Variants in C8B observed in about 807,000 individuals in gnomAD.
The protein encoded by C8B is complement component C8 beta chain.
In C8B, 67 loss-of-function variants were observed where a neutral mutation model predicts 64.6. That is an observed-to-expected ratio of 1.04 (90% CI 0.85 to 1.27). C8B has a LOEUF of 1.27. Ranked by LOEUF, C8B falls within the 50% of genes most tolerant of loss-of-function variation. The pLI, the probability that C8B is intolerant of heterozygous loss-of-function variation, is 0.00. For synonymous variants in C8B, 284 were observed against 257.7 expected (o/e 1.10, Z -0.98); for missense variants, 790 against 725.2 (o/e 1.09, Z -1.03).
intron 10 of C8B, among the ~76,000 whole-genome samples, chr1:56,932,426 G>T (rs1297267811): frequency 6.6e-6 from 1 of 152,090 alleles, no homozygotes; most frequent in Non-Finnish European, 1.5e-5. Context: ...CCAGTCTCTG[G>T]CTCCATATTC....
chr1:56,943,971 T>C (rs907176370), intron 7 of C8B, 147 bp from the exon 8 acceptor site: 1 of 878,230 alleles, frequency 1.1e-6, no homozygotes. Context: ...TAACAAGAAA[T>C]GTAGGCAGCA....
chr1:56,956,862 A>C lies in C8B; in HGVS notation c.298T>G (p.Cys100Gly), dbSNP rs1334967122. 6.2e-7 allele frequency: 1 copy of C among 1,614,010 alleles called. No homozygotes were observed. Among genetic ancestry groups the C allele is most frequent in the African/African-American group, 1.3e-5 (1 of 74,908 alleles). Residue 100 changes from cysteine (C) to glycine (G), a missense_variant, in exon 3 of 12, where the codon TGC becomes GGC. Transcript: ENST00000371237. ...LQPSQFHGEP[C>G]NFSDKEVEDC... ...TCGACTTCCTTGTCAGAGAAGTTGC[A>C]CGGTTCCCCATGGAACTGAGAGGGC... is the stretch of plus-strand genomic sequence containing the variant.
At chr1:56,953,453 G>T (rs983042827) in intron 4 of C8B, among the ~76,000 whole-genome samples, 1 of 152,182 alleles carries the variant, frequency 6.6e-6, no homozygotes, top group Non-Finnish European at 1.5e-5. Flanking sequence ...TAGGAGGTTA[G>T]TATTACTATT....
chr1:56,955,569 G>T (rs1208912557), intron 3 of C8B, among the ~76,000 whole-genome samples: 1 of 152,126 alleles, frequency 6.6e-6, no homozygotes, highest in African/African-American at 2.4e-5. Context: ...CAATGTTCTT[G>T]GAGTGTTAAA....
At chr1:56,959,580 A>G (rs764659046) in intron 2 of C8B, 17 of 1,535,448 alleles carry the variant, frequency 1.1e-5, no homozygotes, top group Non-Finnish European at 1.5e-5. Context: ...CCAGAGTCAT[A>G]CAAGTGTCCA....
At chr1:56,948,627 C>A (rs1485574971) in intron 6 of C8B, among the ~76,000 whole-genome samples, 2 of 151,964 alleles carry the variant, frequency 1.3e-5, no homozygotes, top group East Asian at 1.9e-4. Flanking sequence ...AGGGCAGGCA[C>A]CCAGGGGAGA....
chr1:56,952,008 C>G, intron 5 of C8B, 40 bp downstream of exon 5: 1 of 1,612,064 alleles, frequency 6.2e-7, no homozygotes, highest in Non-Finnish European at 8.5e-7. Context: ...ACTGGGTGCT[C>G]AGCTGGGGCT....
At chr1:56,957,087 A>G (rs1645115071) in intron 2 of C8B, among the ~76,000 whole-genome samples, 177 bp from the exon 3 acceptor site, 1 of 152,084 alleles carries the variant, frequency 6.6e-6, no homozygotes, top group Non-Finnish European at 1.5e-5. Context: ...TTAAGGAGCT[A>G]TGTTGTGATT....
chr1:56,951,439 C>T (rs1420452471), intron 5 of C8B, among the ~76,000 whole-genome samples: 1 of 152,088 alleles, frequency 6.6e-6, no homozygotes, highest in Non-Finnish European at 1.5e-5. Context: ...GTCCTATGGG[C>T]TATTCTATAC....
Position 56,949,772 on chromosome 1 carries a change from G to A in C8B, c.667-20C>T, listed in dbSNP as rs1437395301. 2 of 1,568,096 alleles carry A rather than the reference G, an allele frequency of 1.3e-6. No individual in the cohort carries two copies. Among genetic ancestry groups the A allele is most frequent in the Non-Finnish European group, 1.7e-6 (2 of 1,143,880 alleles). On this transcript the variant is annotated intron_variant, in intron 5 of 11. Transcript: ENST00000371237. The stretch of plus-strand genomic sequence containing the variant: ...TTGGGTCTAAAGAAGAAAAAAGAAA[G>A]GGTTTTTTATTTCATTTGACTCAAA...
intron 10 of C8B, among the ~76,000 whole-genome samples, chr1:56,932,951 A>G (rs1644723571): frequency 1.3e-5 from 2 of 152,214 alleles, no homozygotes; most frequent in Non-Finnish European, 2.9e-5. Flanking sequence ...AGTGACCCCA[A>G]CATGACTCTT....
Position 56,949,640 on chromosome 1 carries a change from A to T in C8B, c.779T>A (p.Ile260Lys). The T allele has an allele frequency of 6.2e-7, 1 of 1,614,116 alleles. No homozygotes were observed. Among genetic ancestry groups the T allele is most frequent in the African/African-American group, 1.3e-5 (1 of 75,058 alleles). The change falls in exon 6 of 12, where the codon ATA becomes AAA. Residue 260 changes from isoleucine (I) to lysine (K), a missense_variant. Transcript: ENST00000371237. ...GATGCCAAGTTCAAATATTCCAGGT[A>T]TTTTAAAACCAAAACTGAAACCAGA... is the stretch of plus-strand genomic sequence containing the variant. ...SKSGFSFGFK[I>K]PGIFELGISS...
intron 2 of C8B, chr1:56,959,776 C>T (rs1557743585): frequency 1.3e-6 from 1 of 753,180 alleles, no homozygotes; most frequent in Non-Finnish European, 2.1e-6. Flanking sequence ...AGGTTCAAGG[C>T]AGAGAGTCTA....
At chr1:56,946,168 A>G in intron 6 of C8B, 107 bp from the exon 7 acceptor site, 5 of 1,293,230 alleles carry the variant, frequency 3.9e-6, no homozygotes, top group Non-Finnish European at 5.5e-6. Flanking sequence ...TGGGGTCATC[A>G]CTCTTATGAT....
intron 9 of C8B, among the ~76,000 whole-genome samples, chr1:56,940,071 G>T (rs1275195319): frequency 6.6e-6 from 1 of 151,822 alleles, no homozygotes; most frequent in African/African-American, 2.4e-5. Context: ...TTTTATCCTT[G>T]CATTTTCCTC....
At chr1:56,963,827 C>A in intron 1 of C8B, 8 of 980,230 alleles carry the variant, frequency 8.2e-6, no homozygotes, top group Non-Finnish European at 9.7e-6. Context: ...CACAGAGTGG[C>A]AATACATAAT....
At chr1:56,955,075 C>T (rs1279640401) in intron 3 of C8B, among the ~76,000 whole-genome samples, 1 of 152,148 alleles carries the variant, frequency 6.6e-6, no homozygotes, top group Admixed American at 6.5e-5. Flanking sequence ...ACTCTCTCTC[C>T]CTGGGGCTGG....
Position 56,961,363 on chromosome 1 carries a change from A to G in C8B, c.93-1187T>C, listed in dbSNP as rs1381480202. 2.6e-5 allele frequency among the ~76,000 whole-genome samples: 4 copies of G among 152,130 alleles called. No homozygotes were observed. In the East Asian group the frequency reaches 7.7e-4, roughly 29 times the overall value. The stretch of plus-strand genomic sequence containing the variant: ...TCAATGGCCCAGCATCACCCACGCT[A>G]TCTTCTTCTATTTTCACAGCAATGC... On this transcript the variant is annotated intron_variant, in intron 1 of 11. Coordinates refer to ENST00000371237, the MANE Select transcript of C8B (RefSeq NM_000066.4).
chr1:56,963,998 C>T (rs769518686), intron 1 of C8B: 7 of 985,338 alleles, frequency 7.1e-6, no homozygotes, highest in Non-Finnish European at 8.4e-6. Flanking sequence ...AAATACCTGT[C>T]GTGTTCAAGA....
Sources: gnomAD v4.1 joint callset for allele counts (sites outside exome capture counted in the v4.1 genomes callset) on GRCh38, gnomAD v4.1.1 for gene constraint, MANE v1.5 for transcripts, NCBI Gene and HGNC (gene_info 2026-07-23, HGNC 2026-07-21) for gene names.